DMWD: variants seen among roughly 807,000 people sequenced by gnomAD.
DMWD encodes the protein DM1 locus, WD repeat containing.
DMWD carries 19 observed loss-of-function variants against 45.8 expected under a neutral mutation model. The observed-to-expected ratio is 0.41, with a 90% CI of 0.29 to 0.61. DMWD has a LOEUF of 0.61. Ranked by LOEUF, DMWD falls within the 20% of genes least tolerant of loss-of-function variation. The pLI is 0.25. For synonymous variants in DMWD, 515 were observed against 440.5 expected (o/e 1.17, Z -2.12); for missense variants, 802 against 965.2 (o/e 0.83, Z 2.24).
Position 45,786,547 on chromosome 19 carries a change from G to A in DMWD, c.949C>T (p.Leu317Phe), listed in dbSNP as rs564825288. The A allele has an allele frequency of 6.2e-7, 1 of 1,614,098 alleles. No individual in the cohort carries two copies. Among genetic ancestry groups the A allele is most frequent in the East Asian group, 2.2e-5 (1 of 44,878 alleles). The change falls in exon 3 of 5, where the codon CTC becomes TTC. Residue 317 changes from leucine (L) to phenylalanine (F), a missense_variant. Transcript: ENST00000270223. ...TAGCTCTTCATGAGCCCACGCAGGA[G>A]CATGGAGTCGAAGTGGAAGACGCGC... ...CLRVFHFDSM[L>F]LRGLMKSYFG...
intron 1 of DMWD, 96 bp downstream of exon 1, chr19:45,792,220 A>G (rs1334290445): frequency 6.9e-7 from 1 of 1,446,374 alleles, no homozygotes; most frequent in Non-Finnish European, 9.2e-7. Context: ...TAGAATGCCT[A>G]TCTCAGGGCC....
intron 2 of DMWD, chr19:45,789,421 T>C (rs1010253110): frequency 8.5e-5 from 13 of 152,260 alleles, no homozygotes; most frequent in African/African-American, 3.1e-4. Context: ...CGTTTACTGG[T>C]ATCTCCTCGT....
rs772790523 is a variant in DMWD, at chr19:45,786,492, C to A, written c.1004G>T (p.Ser335Ile). 1 of 1,613,512 alleles carries A rather than the reference C, an allele frequency of 6.2e-7. No homozygotes were observed. The highest frequency in any genetic ancestry group is 8.5e-7 in the Non-Finnish European group (1 of 1,179,524). ...YFGGLLCVCW[S>I]PDGRYVVTGG... Reference sequence around the variant, plus strand: ...CGTCACCACGTAGCGGCCGTCAGGGCTCCAGCACACACACAGCAGGCCCCC... The same window carrying A: ...CGTCACCACGTAGCGGCCGTCAGGGATCCAGCACACACACAGCAGGCCCCC... The change falls in exon 3 of 5, where the codon AGC becomes ATC. Residue 335 changes from serine to isoleucine, a missense_variant. Coordinates refer to ENST00000270223, the MANE Select transcript of DMWD (RefSeq NM_004943.2).
intron 2 of DMWD, among the ~76,000 whole-genome samples, chr19:45,787,704 A>C (rs1970300436): frequency 6.6e-6 from 1 of 152,198 alleles, no homozygotes; most frequent in Non-Finnish European, 1.5e-5. Flanking sequence ...TTAGACAAAA[A>C]ACCTCGGCAT....
At position 45,785,810 on chromosome 19, in the gene DMWD, C is replaced by T; in HGVS notation, c.1686G>A (p.Glu562=). ...GGSGGSGSGG[E]KPSGPVPRSR... ...TGCGGGGAACAGGGCCGCTGGGCTT[C>T]TCCCCACCACTGCCACTGCCGCCAC... Residue 562 remains glutamate (E), a synonymous_variant, in exon 3 of 5, where the codon GAG becomes GAA. Coordinates refer to ENST00000270223, the MANE Select transcript of DMWD (RefSeq NM_004943.2). The T allele has an allele frequency of 1.2e-6, 2 of 1,611,602 alleles. No homozygotes were observed. Among genetic ancestry groups the T allele is most frequent in the Non-Finnish European group, 8.5e-7 (1 of 1,179,646 alleles).
At chr19:45,785,164 C>G (rs1394228972) in intron 3 of DMWD, 1 of 1,025,486 alleles carries the variant, frequency 9.8e-7, no homozygotes, top group African/African-American at 1.7e-5. Context: ...ATCCTGAGTC[C>G]CAGACCCAGG....
At chr19:45,785,539 T>C in intron 3 of DMWD, 55 bp downstream of exon 3, 2 of 1,432,528 alleles carry the variant, frequency 1.4e-6, no homozygotes, top group Non-Finnish European at 1.8e-6. Context: ...AATGCCTGCC[T>C]CTTCCCACGA....
chr19:45,791,085 G>A lies in DMWD; in HGVS notation c.444C>T (p.Ser148=), dbSNP rs371927496. ...PGCCRRGSQR[S]IDLNKPIDKR... Reference sequence around the variant, plus strand: ...TGTCAATTGGCTTGTTGAGGTCAATGGACTTGAGGGGTGGGAGAAAAGGAG... The same window carrying A: ...TGTCAATTGGCTTGTTGAGGTCAATAGACTTGAGGGGTGGGAGAAAAGGAG... Residue 148 remains serine, a splice_region_variant and synonymous_variant, in exon 2 of 5, where the codon TCC becomes TCT. Transcript: ENST00000270223. 1.2e-6 allele frequency: 2 copies of A among 1,606,934 alleles called. No individual in the cohort carries two copies. Among genetic ancestry groups the A allele is most frequent in the Non-Finnish European group, 1.7e-6 (2 of 1,176,338 alleles).
Position 45,792,567 on chromosome 19 carries a change from C to T in DMWD, c.190G>A (p.Gly64Ser). Residue 64 changes from glycine to serine, a missense_variant, in exon 1 of 5, where the codon GGC (glycine) becomes AGC (serine). Transcript: ENST00000270223. ...CCGGGACCGGAGGCGGAGGCAGGGC[C>T]GGGCGGGGGCTGCGGTGGCTGAGGC... ...VPPQPPQPPPGPASASGPGAA... is the reference protein window; with the variant it reads ...VPPQPPQPPPSPASASGPGAA... 1 of 1,241,814 alleles carries T rather than the reference C, an allele frequency of 8.1e-7. No individual in the cohort carries two copies. The highest frequency in any genetic ancestry group is 1.0e-6 in the Non-Finnish European group (1 of 979,982). 76.9% of individuals were successfully genotyped at this position (1,241,814 alleles called of 1,614,324 possible). A position where few individuals can be genotyped will look rare whatever the true frequency, so the allele number is the denominator to read the frequency against.
At position 45,786,226 on chromosome 19, in the gene DMWD, C is replaced by T. The variant is rs1160672878; in HGVS notation, c.1270G>A (p.Ala424Thr). 6.2e-7 allele frequency: 1 copy of T among 1,611,234 alleles called. No individual in the cohort carries two copies. The highest frequency in any genetic ancestry group is 1.7e-5 in the Admixed American group (1 of 59,896). The change falls in exon 3 of 5, where the codon GCT (alanine) becomes ACT (threonine). Residue 424 changes from alanine (A) to threonine (T), a missense_variant. Coordinates refer to ENST00000270223, the MANE Select transcript of DMWD (RefSeq NM_004943.2). ...GGAPLSPLPK[A>T]GSITYRFGSA... ...CCAAAGCGGTAAGTAATGGAGCCAG[C>T]CTTGGGCAGTGGAGAGAGCGGGGCG...
intron 2 of DMWD, 98 bp downstream of exon 2, chr19:45,790,807 C>G: frequency 7.2e-7 from 1 of 1,396,420 alleles, no homozygotes; most frequent in Non-Finnish European, 9.7e-7. Flanking sequence ...TCCTGCCCCT[C>G]TCAGGCCTAC....
chr19:45,785,637 C>T lies in DMWD; in HGVS notation c.1859G>A (p.Cys620Tyr), dbSNP rs775557869. ...LFLEDCIITA[C>Y]QEGLICTWAR... is the part of the protein sequence containing the mutation. ...CCAGGTGCAGATGAGGCCCTCCTGG[C>T]AGGCAGTGATGATGCAGTCCTCCAG... Residue 620 changes from cysteine (C) to tyrosine (Y), a missense_variant, in exon 3 of 5, where the codon TGC (cysteine) becomes TAC (tyrosine). Coordinates refer to ENST00000270223, the MANE Select transcript of DMWD (RefSeq NM_004943.2). 2.6e-6 allele frequency: 4 copies of T among 1,541,278 alleles called. No individual in the cohort carries two copies. Among genetic ancestry groups the T allele is most frequent in the Non-Finnish European group, 2.6e-6 (3 of 1,138,746 alleles).
chr19:45,792,777 C>A lies in DMWD; in HGVS notation c.-21G>T. 9.0e-7 allele frequency: 1 copy of A among 1,114,996 alleles called. No homozygotes were observed. Among genetic ancestry groups the A allele is most frequent in the African/African-American group, 1.7e-5 (1 of 60,332 alleles). 69.1% of individuals were successfully genotyped at this position (1,114,996 alleles called of 1,614,324 possible). A position where few individuals can be genotyped will look rare whatever the true frequency, so the allele number is the denominator to read the frequency against. On this transcript the variant is annotated 5_prime_UTR_variant, in exon 1 of 5. Coordinates refer to ENST00000270223, the MANE Select transcript of DMWD (RefSeq NM_004943.2). ...GCCATCTTGGGCGCCCCCCGGGCCC[C>A]GCCACTGCCGGACTGCCGCCCGCAG...
intron 2 of DMWD, among the ~76,000 whole-genome samples, chr19:45,790,356 TAA>T (rs968100127): frequency 5.7e-5 from 7 of 123,038 alleles, no homozygotes; most frequent in Non-Finnish European, 3.5e-5. Context: ...CAATTACAAT[TAA>T]AAAAAAAAAA....
intron 3 of DMWD, 143 bp downstream of exon 3, chr19:45,785,451 G>T (rs939458629): frequency 3.2e-5 from 45 of 1,388,178 alleles, no homozygotes; most frequent in Non-Finnish European, 4.1e-5. Context: ...GTCTTGTACT[G>T]AGACACTAAG....
chr19:45,786,356 G>A lies in DMWD; in HGVS notation c.1140C>T (p.Thr380=), dbSNP rs746836020. The A allele has an allele frequency of 6.2e-7, 1 of 1,611,512 alleles. No homozygotes were observed. Among genetic ancestry groups the A allele is most frequent in the East Asian group, 2.2e-5 (1 of 44,798 alleles). ...WVNAVAFDPY[T]TRAEEAATAA... is the part of the protein sequence containing the mutation. ...CTGTCGCCGCCTCCTCTGCCCTTGT[G>A]GTGTAGGGGTCAAAGGCCACAGCGT... Residue 380 remains threonine, a synonymous_variant, in exon 3 of 5, where the codon ACC becomes ACT. Transcript: ENST00000270223.
intron 4 of DMWD, 61 bp downstream of exon 4, chr19:45,784,580 C>T: frequency 6.2e-7 from 1 of 1,613,014 alleles, no homozygotes; most frequent in Non-Finnish European, 8.5e-7. Context: ...GAAACTGGAG[C>T]TCCCTTCTAA....
At position 45,783,460 on chromosome 19, in the gene DMWD, C is replaced by T; in HGVS notation, c.*783G>A. On this transcript the variant is annotated 3_prime_UTR_variant, in exon 5 of 5. Transcript: ENST00000270223. ...GGCAGTTCTGATAATTTAAAAAACA[C>T]CGAGGACTTTGATGAGGGGCCCTGG... 1 of 397,880 alleles carries T rather than the reference C, an allele frequency of 2.5e-6. No homozygotes were observed. Among genetic ancestry groups the T allele is most frequent in the Non-Finnish European group, 4.4e-6 (1 of 225,988 alleles). 24.6% of individuals were successfully genotyped at this position (397,880 alleles called of 1,614,324 possible).
chr19:45,787,007 T>G (rs1970289484), intron 2 of DMWD, 136 bp from the exon 3 acceptor site: 2 of 1,429,478 alleles, frequency 1.4e-6, no homozygotes, highest in Non-Finnish European at 1.9e-6. Flanking sequence ...GCCCAGGTCC[T>G]CCTCGGAGAG....
Sources: gnomAD v4.1 joint callset for allele counts (sites outside exome capture counted in the v4.1 genomes callset) on GRCh38, gnomAD v4.1.1 for gene constraint, MANE v1.5 for transcripts, NCBI Gene and HGNC (gene_info 2026-07-23, HGNC 2026-07-21) for gene names.